The following RETREG3 variants were observed in gnomAD, a reference collection of about 807,000 sequenced individuals.
The protein encoded by RETREG3 is reticulophagy regulator family member 3, also known as reticulophagy regulator 3.
In RETREG3, 23 loss-of-function variants were observed where a neutral mutation model predicts 50.2. That is an observed-to-expected ratio of 0.46 (90% confidence interval 0.33 to 0.65). RETREG3 has a LOEUF of 0.65. Among genes scored for constraint, RETREG3 ranks in the 30% least tolerant of loss-of-function variants. The pLI is 0.02. For synonymous variants in RETREG3, 240 were observed against 234.4 expected (o/e 1.02, Z -0.22); for missense variants, 546 against 598.0 (o/e 0.91, Z 0.91).
At chr17:42,601,800 A>C (rs1264214090) in intron 1 of RETREG3, among the ~76,000 whole-genome samples, 1 of 150,862 alleles carries the variant, frequency 6.6e-6, no homozygotes, top group East Asian at 2.0e-4. Context: ...TGCCCGGCTG[A>C]TTTGGCATTT....
In RETREG3 at chr17:42,594,069, C is replaced by A. The variant is rs144240498; in HGVS notation, c.240-1907G>T. Among the ~76,000 whole-genome samples, 517 of 152,290 alleles carry A rather than the reference C, an allele frequency of 3.4e-3. 4 individuals are homozygous for A. The highest frequency in any genetic ancestry group is 0.012 in the African/African-American group (498 of 41,568). On this transcript the variant is annotated intron_variant, in intron 1 of 8. Transcript: ENST00000309428. Reference sequence around the variant, plus strand: ...TGAGCTGAGCATGGTGGCGCGCTTGCGGTCCCAGTTACCTGGGGGACTGCG... The same window carrying A: ...TGAGCTGAGCATGGTGGCGCGCTTGAGGTCCCAGTTACCTGGGGGACTGCG...
upstream of RETREG3, chr17:42,609,415 G>A (rs536049777): frequency 3.0e-5 from 42 of 1,403,204 alleles, no homozygotes; most frequent in African/African-American, 3.7e-4. Context: ...GGGGGAGGTG[G>A]CTTCGCACCA....
rs2093108809 is a variant in RETREG3, at chr17:42,581,638, G to C, written c.*175C>G. On this transcript the variant is annotated 3_prime_UTR_variant, in exon 9 of 9. Coordinates refer to ENST00000309428, the MANE Select transcript of RETREG3 (RefSeq NM_178126.4). ...TGAGCTCAGAAATGGGCATCCAGCTGGTGGGAGGGGAGTGAGTGTCCTCTC... is the reference window on the plus strand; with the variant it reads ...TGAGCTCAGAAATGGGCATCCAGCTCGTGGGAGGGGAGTGAGTGTCCTCTC... 5.2e-6 allele frequency: 3 copies of C among 578,508 alleles called. No individual in the cohort carries two copies. The highest frequency in any genetic ancestry group is 3.7e-5 in the African/African-American group (2 of 53,424). 35.8% of individuals were successfully genotyped at this position (578,508 alleles called of 1,614,324 possible). A position where few individuals can be genotyped will look rare whatever the true frequency, so the allele number is the denominator to read the frequency against.
intron 5 of RETREG3, 97 bp from the exon 6 acceptor site, chr17:42,585,359 C>CAA: frequency 6.6e-7 from 1 of 1,508,056 alleles, no homozygotes; most frequent in Admixed American, 2.0e-5. Flanking sequence ...GGCTTGGACA[C>CAA]AAAGTGTGGA....
chr17:42,586,915 T>C (rs1441335918), intron 3 of RETREG3, 24 bp from the exon 4 acceptor site: 2 of 1,610,882 alleles, frequency 1.2e-6, no homozygotes, highest in Non-Finnish European at 1.7e-6. Context: ...AAGGGGGAGC[T>C]GTGAAAGGAG....
chr17:42,581,760 G>T lies in RETREG3; in HGVS notation c.*53C>A. ...TTCCCTTGCCCCATCACCTTAAGTGGGATGGGGAGAAAAAAACCTAAACCA... is the reference window on the plus strand; with the variant it reads ...TTCCCTTGCCCCATCACCTTAAGTGTGATGGGGAGAAAAAAACCTAAACCA... On this transcript the variant is annotated 3_prime_UTR_variant, in exon 9 of 9. Coordinates refer to ENST00000309428, the MANE Select transcript of RETREG3 (RefSeq NM_178126.4). 6.8e-7 allele frequency: 1 copy of T among 1,464,502 alleles called. No individual in the cohort carries two copies. The highest frequency in any genetic ancestry group is 2.3e-5 in the East Asian group (1 of 43,634). The allele number at this position is 1,464,502 out of a possible 1,614,324, so 90.7% of individuals were successfully genotyped here. A position where few individuals can be genotyped will look rare whatever the true frequency, so the allele number is the denominator to read the frequency against.
intron 4 of RETREG3, 37 bp from the exon 5 acceptor site, chr17:42,586,174 A>G (rs1173668120): frequency 2.5e-6 from 4 of 1,601,842 alleles, no homozygotes; most frequent in South Asian, 1.1e-5. Context: ...TTTCTGTCAC[A>G]TGGCAGGGGA....
intron 1 of RETREG3, among the ~76,000 whole-genome samples, chr17:42,595,241 A>T (rs1175562845): frequency 6.6e-6 from 1 of 151,900 alleles, no homozygotes; most frequent in Non-Finnish European, 1.5e-5. Flanking sequence ...TGCTGGGATT[A>T]CAGGCATGAG....
At chr17:42,583,414 T>G in intron 7 of RETREG3, 84 bp downstream of exon 7, 1 of 1,329,604 alleles carries the variant, frequency 7.5e-7, no homozygotes. Flanking sequence ...TCAAACCTGG[T>G]TATGGCCTAA....
At chr17:42,583,607 T>C in intron 6 of RETREG3, 27 bp from the exon 7 acceptor site, 1 of 1,604,690 alleles carries the variant, frequency 6.2e-7, no homozygotes, top group Non-Finnish European at 8.5e-7. Context: ...AAGTCTTGCT[T>C]GATACCTTCT....
intron 1 of RETREG3, among the ~76,000 whole-genome samples, chr17:42,596,915 C>G (rs1212493783): frequency 1.3e-5 from 2 of 151,496 alleles, no homozygotes; most frequent in Non-Finnish European, 2.9e-5. Flanking sequence ...CTTTGTCACC[C>G]AGGCTGAAGT....
chr17:42,584,318 T>G (rs1263485863), intron 6 of RETREG3, among the ~76,000 whole-genome samples: 1 of 152,186 alleles, frequency 6.6e-6, no homozygotes, highest in Admixed American at 6.5e-5. Context: ...GGTGACCAAG[T>G]GCAGGGCTCT....
rs146227641 is a variant in RETREG3, at chr17:42,607,950, T to C, written c.239+1136A>G. ...ACCTTTAACTGGGTCTCTTTCAAACTGGGAGAGGATTAGCTTAATAGCTGA... is the reference window on the plus strand; with the variant it reads ...ACCTTTAACTGGGTCTCTTTCAAACCGGGAGAGGATTAGCTTAATAGCTGA... On this transcript the variant is annotated intron_variant, in intron 1 of 8. Transcript: ENST00000309428. Among the ~76,000 whole-genome samples the C allele has an allele frequency of 3.8e-3, 576 of 152,276 alleles. 5 individuals are homozygous for C. Among genetic ancestry groups the C allele is most frequent in the African/African-American group, 0.013 (559 of 41,542 alleles).
intron 1 of RETREG3, among the ~76,000 whole-genome samples, chr17:42,594,778 G>A (rs577390837): frequency 1.3e-5 from 2 of 151,748 alleles, no homozygotes; most frequent in South Asian, 2.1e-4. Flanking sequence ...GTGAACCTGC[G>A]AGGCGGAGCT....
In RETREG3 at chr17:42,581,923, G is replaced by A. The variant is rs774163908; in HGVS notation, c.1291C>T (p.Leu431Phe). Residue 431 changes from leucine (L) to phenylalanine (F), a missense_variant, in exon 9 of 9, where the codon CTC becomes TTC. Transcript: ENST00000309428. Reference protein sequence around the residue: ...APAQRATRGFLRSPSSDLDTD... With the variant: ...APAQRATRGFFRSPSSDLDTD... Reference sequence around the variant, plus strand: ...TCCAGGTCTGAACTGGGGGACCGGAGGAAGCCTCTCGTTGCTCTCTGGGCA... The same window carrying A: ...TCCAGGTCTGAACTGGGGGACCGGAAGAAGCCTCTCGTTGCTCTCTGGGCA... The A allele has an allele frequency of 3.1e-6, 5 of 1,614,070 alleles. No homozygotes were observed. The East Asian group carries it at 6.7e-5, about 22-fold the overall frequency.
chr17:42,607,553 C>G (rs940596645), intron 1 of RETREG3, among the ~76,000 whole-genome samples: 6 of 144,976 alleles, frequency 4.1e-5, no homozygotes, highest in African/African-American at 1.5e-4. Context: ...GCCTGTAATC[C>G]CAGCACTTTG....
intron 1 of RETREG3, among the ~76,000 whole-genome samples, chr17:42,604,555 A>G (rs2093164210): frequency 6.6e-6 from 1 of 152,042 alleles, no homozygotes; most frequent in South Asian, 2.1e-4. Flanking sequence ...CTCTAGTCCC[A>G]GCTACTTGGA....
intron 4 of RETREG3, chr17:42,586,448 C>T (rs1460578058): frequency 7.2e-6 from 3 of 414,002 alleles, no homozygotes; most frequent in African/African-American, 2.0e-5. Context: ...CAGAAACACA[C>T]ACAAAACCCA....
chr17:42,591,299 A>T (rs2093132596), intron 2 of RETREG3, among the ~76,000 whole-genome samples: 1 of 151,078 alleles, frequency 6.6e-6, no homozygotes, highest in Non-Finnish European at 1.5e-5. Context: ...TTGTTTATGT[A>T]TGTATTAGCT....
Sources: allele counts gnomAD v4.1 joint callset (sites outside exome capture counted in the v4.1 genomes callset), GRCh38; gene constraint gnomAD v4.1.1; transcripts MANE v1.5; gene names NCBI Gene and HGNC (gene_info 2026-07-23, HGNC 2026-07-21).